Variants in RSU1 observed in about 807,000 individuals in gnomAD.
The protein encoded by RSU1 is Ras suppressor protein 1, also known as rsu-1.
In RSU1, 26 loss-of-function variants were observed where a neutral mutation model predicts 31.1. That is an observed-to-expected ratio of 0.84 (90% CI 0.61 to 1.16). The LOEUF (loss-of-function observed/expected upper bound fraction) is 1.16, where lower values mean the gene tolerates loss of function less well. Among genes scored for constraint, RSU1 ranks in the 50% most tolerant of loss-of-function variants. The pLI, the probability that RSU1 is intolerant of heterozygous loss-of-function variation, is 0.00. For missense variants in RSU1, 320 were observed against 339.1 expected, an observed-to-expected ratio of 0.94 and a Z score of 0.44; for synonymous variants, 164 against 136.3, an observed-to-expected ratio of 1.20 and a Z score of -1.41.
At position 16,646,048 on chromosome 10, in the gene RSU1, GTGTATATATATAT is replaced by G; in HGVS notation, c.731+48962_731+48974del. 8.5e-5 allele frequency among the ~76,000 whole-genome samples: 3 copies of G among 35,146 alleles called. 1 individual carries two copies. Among genetic ancestry groups the G allele is most frequent in the African/African-American group, 3.1e-4 (3 of 9,546 alleles). The allele number at this position is 35,146 out of a possible 152,430, so 23.1% of individuals were successfully genotyped here. ...TATATATATGTGTATATACATATAT[GTGTATATATATAT>G]ACACACACACACACACACACACACA... On this transcript the variant is annotated intron_variant, in intron 8 of 8. Transcript: ENST00000345264.
rs74125853 is a variant in RSU1 at position 16,720,626 on chromosome 10, T to G, written c.599-25471A>C. Reference sequence around the variant, plus strand: ...AAATAAGTATCCTACACAGAATACATAAATAAGTATACTACTCTTAAGGAA... The same window carrying G: ...AAATAAGTATCCTACACAGAATACAGAAATAAGTATACTACTCTTAAGGAA... On this transcript the variant is annotated intron_variant, in intron 7 of 8. Transcript: ENST00000345264. 3.1e-3 allele frequency among the ~76,000 whole-genome samples: 470 copies of G among 152,342 alleles called. 3 individuals are homozygous for G. The highest frequency in any genetic ancestry group is 0.011 in the African/African-American group (444 of 41,564).
At chr10:16,652,325 G>A (rs1834699022) in intron 8 of RSU1, among the ~76,000 whole-genome samples, 1 of 126,380 alleles carries the variant, frequency 7.9e-6, no homozygotes, top group African/African-American at 3.0e-5. Context: ...GGCTGATTGA[G>A]AAAGACTGTA....
At chr10:16,777,863 T>C (rs780304316) in intron 3 of RSU1, among the ~76,000 whole-genome samples, 1 of 152,142 alleles carries the variant, frequency 6.6e-6, no homozygotes, top group Non-Finnish European at 1.5e-5. Context: ...TTCGGCATTA[T>C]TGCTGCCTTC....
chr10:16,685,543 T>C (rs1477903242), intron 8 of RSU1, among the ~76,000 whole-genome samples: 1 of 152,182 alleles, frequency 6.6e-6, no homozygotes, highest in Non-Finnish European at 1.5e-5. Context: ...CCATATAGGG[T>C]AACTTCCTGA....
Position 16,668,718 on chromosome 10 carries a change from G to A in RSU1, c.731+26305C>T, listed in dbSNP as rs144196434. 1.9e-3 allele frequency among the ~76,000 whole-genome samples: 289 copies of A among 151,966 alleles called. 1 individual carries two copies. The highest frequency in any genetic ancestry group is 6.6e-3 in the African/African-American group (273 of 41,442). On this transcript the variant is annotated intron_variant, in intron 8 of 8. Transcript: ENST00000345264. ...GTCTCCTTTCTACTCCCCTTCCTCT[G>A]ATCTCCCTCATTATTAACTTTCCTA...
intron 4 of RSU1, among the ~76,000 whole-genome samples, chr10:16,762,102 A>G (rs866436484): frequency 2.0e-5 from 3 of 152,038 alleles, no homozygotes; most frequent in South Asian, 4.2e-4. Flanking sequence ...CCTTGCCCCA[A>G]TAGGTAAGGT....
At chr10:16,673,855 C>A (rs116287475) in intron 8 of RSU1, among the ~76,000 whole-genome samples, 23 of 152,146 alleles carry the variant, frequency 1.5e-4, no homozygotes, top group African/African-American at 5.3e-4. Flanking sequence ...CAACGTAACC[C>A]GCACATATTT....
chr10:16,741,700 G>GCATA (rs935077205), intron 7 of RSU1, among the ~76,000 whole-genome samples: 1 of 152,080 alleles, frequency 6.6e-6, no homozygotes, highest in Non-Finnish European at 1.5e-5. Context: ...ATTGACAAAG[G>GCATA]CATACAATCC....
At chr10:16,600,554 GTTT>G (rs113657359) in intron 8 of RSU1, among the ~76,000 whole-genome samples, 3,781 of 136,010 alleles carry the variant, frequency 0.028, 168 homozygotes, top group African/African-American at 0.11. Flanking sequence ...ACTGACACGT[GTTT>G]TTTTTTTTTT....
Position 16,695,166 on chromosome 10 carries a change from GGAAA to G in RSU1, c.599-15_599-12del, listed in dbSNP as rs1564320493. ...TTAAATCCAAGTTTCCTGGGGGGGG[GGAAA>G]AAAAAAGTGAAGGTCACTTCATCCA... is the stretch of plus-strand genomic sequence containing the variant. On this transcript the variant is annotated splice_polypyrimidine_tract_variant and intron_variant, in intron 7 of 8. Coordinates refer to ENST00000345264, the MANE Select transcript of RSU1 (RefSeq NM_012425.4). 6 of 1,381,632 alleles carry G rather than the reference GGAAA, an allele frequency of 4.3e-6. No homozygotes were observed. The highest frequency in any genetic ancestry group is 2.7e-5 in the East Asian group (1 of 37,638). 85.6% of individuals were successfully genotyped at this position (1,381,632 alleles called of 1,614,324 possible).
chr10:16,695,166 G>A lies in RSU1; in HGVS notation c.599-11C>T, dbSNP rs199804853. 0.02 allele frequency: 26,934 copies of A among 1,380,514 alleles called. 313 individuals carry two copies. Among genetic ancestry groups the A allele is most frequent in the East Asian group, 0.096 (3,543 of 37,070 alleles). 85.5% of individuals were successfully genotyped at this position (1,380,514 alleles called of 1,614,324 possible). A position where few individuals can be genotyped will look rare whatever the true frequency, so the allele number is the denominator to read the frequency against. ...TTAAATCCAAGTTTCCTGGGGGGGG[G>A]GAAAAAAAAAGTGAAGGTCACTTCA... On this transcript the variant is annotated splice_polypyrimidine_tract_variant and intron_variant, in intron 7 of 8. Transcript: ENST00000345264.
chr10:16,761,585 G>A (rs760387833), intron 4 of RSU1, among the ~76,000 whole-genome samples: 8 of 152,132 alleles, frequency 5.3e-5, no homozygotes, highest in East Asian at 3.9e-4. Context: ...AGCCGGGCAC[G>A]GTGGCTCACA....
At chr10:16,724,572 G>C (rs1190525104) in intron 7 of RSU1, among the ~76,000 whole-genome samples, 9 of 152,200 alleles carry the variant, frequency 5.9e-5, no homozygotes. Context: ...GGCAGCAGTG[G>C]GTATCCCCAG....
chr10:16,690,434 T>A (rs997180347), intron 8 of RSU1, among the ~76,000 whole-genome samples: 1 of 152,024 alleles, frequency 6.6e-6, no homozygotes, highest in Non-Finnish European at 1.5e-5. Flanking sequence ...TGAGACATGA[T>A]GAAGGGGCCG....
intron 2 of RSU1, among the ~76,000 whole-genome samples, chr10:16,785,425 T>TATATATAC (rs1837757360): frequency 7.1e-6 from 1 of 141,394 alleles, no homozygotes. Flanking sequence ...TATACATATA[T>TATATATAC]ACATATATAT....
chr10:16,619,119 C>T (rs1026162550), intron 8 of RSU1, among the ~76,000 whole-genome samples: 1 of 152,174 alleles, frequency 6.6e-6, no homozygotes, highest in African/African-American at 2.4e-5. Context: ...GACCAAAATA[C>T]TCAAAACACG....
intron 8 of RSU1, among the ~76,000 whole-genome samples, chr10:16,641,502 A>AAAG (rs144977368): frequency 0.21 from 32,130 of 150,772 alleles, 3,768 homozygotes; most frequent in South Asian, 0.39. Context: ...AAAAAAAAAA[A>AAAG]AAAAAATTAA....
At chr10:16,652,358 G>C (rs1415408365) in intron 8 of RSU1, among the ~76,000 whole-genome samples, 1 of 131,166 alleles carries the variant, frequency 7.6e-6, no homozygotes. Context: ...CAGGAGGGGC[G>C]CTGATAACAA....
chr10:16,791,412 C>A (rs1189645452), intron 2 of RSU1, among the ~76,000 whole-genome samples: 2 of 152,126 alleles, frequency 1.3e-5, no homozygotes, highest in East Asian at 1.9e-4. Context: ...GGTGGGCAGA[C>A]TGCCTGAGCT....
Sources: allele counts gnomAD v4.1 joint callset (sites outside exome capture counted in the v4.1 genomes callset), GRCh38; gene constraint gnomAD v4.1.1; transcripts MANE v1.5; gene names NCBI Gene and HGNC (gene_info 2026-07-23, HGNC 2026-07-21).